MYCBP2: variants seen among roughly 807,000 people sequenced by gnomAD.
MYCBP2 encodes E3 ubiquitin-protein ligase MYCBP2.
MYCBP2 carries 120 observed loss-of-function variants against 525.3 expected under a neutral mutation model. The ratio of observed to expected loss-of-function variants is 0.23; its 90% CI spans 0.20 to 0.27. The LOEUF (loss-of-function observed/expected upper bound fraction) is 0.27. Ranked by LOEUF, MYCBP2 falls within the 10% of genes least tolerant of loss-of-function variation. MYCBP2 has a pLI of 1.00. For missense variants in MYCBP2, 4,149 were observed against 5,657.1 expected (o/e 0.73, Z 8.55); for synonymous variants, 1,894 against 1,955.8 (o/e 0.97, Z 0.83).
At chr13:77,298,847 C>G (rs2078470729) in intron 1 of MYCBP2, among the ~76,000 whole-genome samples, 1 of 152,096 alleles carries the variant, frequency 6.6e-6, no homozygotes, top group Non-Finnish European at 1.5e-5. Context: ...ATACATATAC[C>G]TGCTTATAGA....
At chr13:77,087,840 G>C (rs1566463218) in intron 61 of MYCBP2, 1 of 445,458 alleles carries the variant, frequency 2.2e-6, no homozygotes, top group Non-Finnish European at 4.0e-6. Context: ...GAGTACAGTG[G>C]TGTGATCATG....
chr13:77,158,196 A>T (rs1351896286), intron 44 of MYCBP2, 87 bp from the exon 45 acceptor site: 7 of 820,264 alleles, frequency 8.5e-6, no homozygotes, highest in Non-Finnish European at 1.2e-5. Flanking sequence ...ACTTTCAGAT[A>T]GGCCTTTACG....
intron 73 of MYCBP2, among the ~76,000 whole-genome samples, chr13:77,063,238 C>T (rs967232523): frequency 3.3e-5 from 5 of 152,080 alleles, no homozygotes; most frequent in Non-Finnish European, 7.4e-5. Flanking sequence ...GAAATACATA[C>T]ATGTCTAAAA....
chr13:77,057,183 T>C (rs1372828703), intron 78 of MYCBP2, 90 bp from the exon 79 acceptor site: 33 of 846,462 alleles, frequency 3.9e-5, no homozygotes, highest in Non-Finnish European at 6.3e-5. Flanking sequence ...AGGCACTACT[T>C]AAAGCAGGTA....
intron 38 of MYCBP2, among the ~76,000 whole-genome samples, chr13:77,170,041 G>C (rs1244072847): frequency 1.3e-5 from 2 of 152,144 alleles, no homozygotes; most frequent in East Asian, 3.8e-4. Context: ...CAGAACCTAG[G>C]GTAATGGAGT....
intron 55 of MYCBP2, among the ~76,000 whole-genome samples, chr13:77,105,280 G>A (rs1156334320): frequency 2.0e-5 from 3 of 152,062 alleles, no homozygotes; most frequent in Non-Finnish European, 2.9e-5. Flanking sequence ...TAAGATGTTA[G>A]AGGTTTAAGG....
At chr13:77,310,196 A>G (rs567217140) in intron 1 of MYCBP2, among the ~76,000 whole-genome samples, 1 of 152,248 alleles carries the variant, frequency 6.6e-6, no homozygotes, top group Non-Finnish European at 1.5e-5. Flanking sequence ...TACAGGGAAC[A>G]TAATAACCTA....
intron 15 of MYCBP2, among the ~76,000 whole-genome samples, chr13:77,250,519 G>A (rs2071016484): frequency 6.6e-6 from 1 of 152,170 alleles, no homozygotes; most frequent in African/African-American, 2.4e-5. Context: ...GCTATAACTA[G>A]CAATGTAGAA....
At chr13:77,119,774 C>T (rs2154155877) in intron 55 of MYCBP2, among the ~76,000 whole-genome samples, 1 of 152,160 alleles carries the variant, frequency 6.6e-6, no homozygotes, top group South Asian at 2.1e-4. Context: ...GAGCGTGTGG[C>T]TATTCACAGG....
In MYCBP2 at chr13:77,167,014, CA is replaced by C. The variant is rs1566781055; in HGVS notation, c.6115-461del. Among the ~76,000 whole-genome samples the C allele has an allele frequency of 3.3e-3, 495 of 149,740 alleles. 10 individuals carry two copies. Among genetic ancestry groups the C allele is most frequent in the African/African-American group, 1.0e-2 (401 of 40,296 alleles). ...ACACACACACACACACACACACACA[CA>C]CACACACACACCAAATGAAATAATT... On this transcript the variant is annotated intron_variant, in intron 40 of 82. Transcript: ENST00000544440.
intron 56 of MYCBP2, among the ~76,000 whole-genome samples, chr13:77,096,854 G>A (rs901291743): frequency 6.6e-6 from 1 of 152,096 alleles, no homozygotes; most frequent in African/African-American, 2.4e-5. Context: ...GGTATAATAT[G>A]TAGACAAAGA....
intron 30 of MYCBP2, among the ~76,000 whole-genome samples, chr13:77,187,416 A>G (rs931292611): frequency 6.6e-6 from 1 of 152,216 alleles, no homozygotes; most frequent in South Asian, 2.1e-4. Context: ...AGGATATACC[A>G]AACTTTAAAT....
At chr13:77,165,945 T>C (rs1338544791) in intron 41 of MYCBP2, among the ~76,000 whole-genome samples, 1 of 152,210 alleles carries the variant, frequency 6.6e-6, no homozygotes, top group Non-Finnish European at 1.5e-5. Context: ...TTACGAATTC[T>C]CTTACAATGA....
intron 55 of MYCBP2, among the ~76,000 whole-genome samples, chr13:77,109,448 T>TG (rs2048406127): frequency 6.6e-6 from 1 of 152,224 alleles, no homozygotes; most frequent in South Asian, 2.1e-4. Context: ...TAACAGGCCT[T>TG]GGACCAGTAT....
Position 77,164,436 on chromosome 13 carries a change from A to G in MYCBP2, c.6547+18T>C. On this transcript the variant is annotated intron_variant, in intron 43 of 82. Coordinates refer to ENST00000544440, the MANE Select transcript of MYCBP2 (RefSeq NM_015057.5). Reference sequence around the variant, plus strand: ...AACAAAACCCTATCAAAAAACATCCAGTATTGGCCACACTTACCAATAGGA... The same window carrying G: ...AACAAAACCCTATCAAAAAACATCCGGTATTGGCCACACTTACCAATAGGA... The G allele has an allele frequency of 2.0e-6, 3 of 1,532,024 alleles. No individual in the cohort carries two copies. The highest frequency in any genetic ancestry group is 2.7e-6 in the Non-Finnish European group (3 of 1,106,964). 94.9% of individuals were successfully genotyped at this position (1,532,024 alleles called of 1,614,324 possible).
chr13:77,144,867 T>C (rs1355031118), intron 48 of MYCBP2, among the ~76,000 whole-genome samples: 2 of 152,150 alleles, frequency 1.3e-5, no homozygotes, highest in Non-Finnish European at 2.9e-5. Context: ...CCCTGCCTTC[T>C]CTCATGGTAG....
At chr13:77,054,285 T>C (rs1004790410) in intron 80 of MYCBP2, among the ~76,000 whole-genome samples, 1 of 152,112 alleles carries the variant, frequency 6.6e-6, no homozygotes, top group African/African-American at 2.4e-5. Flanking sequence ...GCAAGTTATT[T>C]GGTATGTGGC....
At chr13:77,105,737 C>G (rs1055059162) in intron 55 of MYCBP2, among the ~76,000 whole-genome samples, 6 of 151,972 alleles carry the variant, frequency 3.9e-5, no homozygotes, top group African/African-American at 1.2e-4. Flanking sequence ...AATTTTGATT[C>G]TTTTTTGGGT....
At chr13:77,083,567 T>A (rs905197000) in intron 62 of MYCBP2, among the ~76,000 whole-genome samples, 3 of 152,106 alleles carry the variant, frequency 2.0e-5, no homozygotes, top group Admixed American at 6.6e-5. Flanking sequence ...TGTATGTTTA[T>A]GTATAAAAAA....
Sources: allele counts gnomAD v4.1 joint callset (sites outside exome capture counted in the v4.1 genomes callset), GRCh38; gene constraint gnomAD v4.1.1; transcripts MANE v1.5; gene names NCBI Gene and HGNC (gene_info 2026-07-23, HGNC 2026-07-21).